Variants in CRISP1 observed in about 807,000 individuals in gnomAD.
CRISP1 encodes the protein cysteine rich secretory protein 1.
A neutral mutation model predicts 33.1 loss-of-function variants in CRISP1; 44 were observed. That is an observed-to-expected ratio of 1.33 (90% CI 1.05 to 1.71). The LOEUF is 1.71. Among genes scored for constraint, CRISP1 ranks in the 40% most tolerant of loss-of-function variants. The probability of loss-of-function intolerance (pLI) is 0.00; values close to 1 mark genes in which losing one functional copy is unlikely to be tolerated. For missense variants in CRISP1, 390 were observed against 301.2 expected (o/e 1.29, Z -2.18); for synonymous variants, 103 against 98.7 (o/e 1.04, Z -0.26).
rs781151430 is a variant in CRISP1 at position 49,838,449 on chromosome 6, C to A, written c.610G>T (p.Asp204Tyr). 2 of 1,612,036 alleles carry A rather than the reference C, an allele frequency of 1.2e-6. No homozygotes were observed. Among genetic ancestry groups the A allele is most frequent in the East Asian group, 4.5e-5 (2 of 44,738 alleles). ...CAAACAAACTTACTGCAAAGTTTGTCTTCACAGTTACTTGGGCAGGCTTCA... is the reference window on the plus strand; with the variant it reads ...CAAACAAACTTACTGCAAAGTTTGTATTCACAGTTACTTGGGCAGGCTTCA... ...PCEACPSNCE[D>Y]KLCTNPCIYY... The change falls in exon 7 of 8, where the codon GAC (aspartate) becomes TAC (tyrosine). Residue 204 changes from aspartate (D) to tyrosine (Y), a missense_variant. Transcript: ENST00000335847.
Position 49,862,622 on chromosome 6 carries a change from A to T in CRISP1, c.-3+3807T>A, listed in dbSNP as rs1335108729. Reference sequence around the variant, plus strand: ...TGAGAATGATTATGGGATAATCGGTATCACCTGGGATTATGGTTACTTTGC... The same window carrying T: ...TGAGAATGATTATGGGATAATCGGTTTCACCTGGGATTATGGTTACTTTGC... On this transcript the variant is annotated intron_variant, in intron 1 of 7. Transcript: ENST00000335847. Among the ~76,000 whole-genome samples the T allele has an allele frequency of 2.6e-5, 4 of 152,232 alleles. No individual in the cohort carries two copies. In the East Asian group the frequency reaches 7.7e-4, roughly 29 times the overall value.
At chr6:49,846,773 A>T in intron 4 of CRISP1, 105 bp from the exon 5 acceptor site, 3 of 1,096,378 alleles carry the variant, frequency 2.7e-6, no homozygotes, top group Non-Finnish European at 3.9e-6. Flanking sequence ...GATCATCTTG[A>T]CAACATCTTC....
intron 1 of CRISP1, among the ~76,000 whole-genome samples, chr6:49,865,341 G>C (rs987759863): frequency 1.3e-5 from 2 of 152,068 alleles, no homozygotes; most frequent in Admixed American, 1.3e-4. Context: ...AACAAAAATT[G>C]TTTTCCCTTG....
intron 1 of CRISP1, among the ~76,000 whole-genome samples, chr6:49,861,422 C>G (rs1380023620): frequency 6.6e-6 from 1 of 152,100 alleles, no homozygotes; most frequent in African/African-American, 2.4e-5. Context: ...GGATTTATAG[C>G]AGGGATGCAA....
chr6:49,836,771 T>C (rs1486612181), intron 7 of CRISP1, among the ~76,000 whole-genome samples: 1 of 152,206 alleles, frequency 6.6e-6, no homozygotes, highest in Admixed American at 6.5e-5. Flanking sequence ...ATAACTACAG[T>C]AGATTTATCA....
At chr6:49,857,732 T>G (rs1345060367) in intron 1 of CRISP1, among the ~76,000 whole-genome samples, 1 of 152,194 alleles carries the variant, frequency 6.6e-6, no homozygotes, top group East Asian at 1.9e-4. Flanking sequence ...TATCCTGGAA[T>G]ACCTAGGTGG....
intron 6 of CRISP1, among the ~76,000 whole-genome samples, 189 bp from the exon 7 acceptor site, chr6:49,838,714 T>C (rs563901404): frequency 3.9e-5 from 6 of 152,320 alleles, no homozygotes; most frequent in African/African-American, 1.4e-4. Context: ...GTAGAACCAA[T>C]AAATGTGAGT....
Position 49,838,565 on chromosome 6 carries a change from A to T in CRISP1, c.534-40T>A. ...AGTGATTTCATAAAACCCATCTTTGAAAAACTCACATAAAACTTTACTCAC... is the reference window on the plus strand; with the variant it reads ...AGTGATTTCATAAAACCCATCTTTGTAAAACTCACATAAAACTTTACTCAC... On this transcript the variant is annotated intron_variant, in intron 6 of 7. Transcript: ENST00000335847. The T allele has an allele frequency of 7.4e-6, 11 of 1,487,276 alleles. 1 individual carries two copies. In the South Asian group the frequency reaches 1.3e-4, roughly 17 times the overall value. The allele number at this position is 1,487,276 out of a possible 1,614,324, so 92.1% of individuals were successfully genotyped here.
At chr6:49,843,467 C>T (rs1309360150) in intron 5 of CRISP1, among the ~76,000 whole-genome samples, 1 of 152,132 alleles carries the variant, frequency 6.6e-6, no homozygotes, top group Non-Finnish European at 1.5e-5. Flanking sequence ...CCAATGGGCA[C>T]ATGTGAGAAC....
chr6:49,869,760 G>C (rs1050409927), upstream of CRISP1, among the ~76,000 whole-genome samples: 1 of 152,172 alleles, frequency 6.6e-6, no homozygotes, highest in Non-Finnish European at 1.5e-5. Flanking sequence ...AAATGTTGGT[G>C]TCCCCTCAAA....
At chr6:49,874,176 T>C (rs1474364669) in intron 1 of CRISP1, among the ~76,000 whole-genome samples, 2 of 152,092 alleles carry the variant, frequency 1.3e-5, no homozygotes, top group Non-Finnish European at 2.9e-5. Context: ...AGAAACCTAA[T>C]GTAGTTATTA....
intron 4 of CRISP1, among the ~76,000 whole-genome samples, chr6:49,847,689 A>G (rs1262292346): frequency 2.0e-5 from 2 of 98,990 alleles, no homozygotes; most frequent in African/African-American, 4.8e-5. Context: ...CACAGAAGCA[A>G]TAATGTTTTT....
At chr6:49,848,447 TAGAAAG>T (rs1771255250) in intron 3 of CRISP1, 148 bp from the exon 4 acceptor site, 1 of 480,958 alleles carries the variant, frequency 2.1e-6, no homozygotes, top group Admixed American at 3.9e-5. Context: ...AACGTTCTAG[TAGAAAG>T]AGAAAGACAA....
chr6:49,863,377 G>T (rs923086383), intron 1 of CRISP1, among the ~76,000 whole-genome samples: 1 of 152,132 alleles, frequency 6.6e-6, no homozygotes, highest in Non-Finnish European at 1.5e-5. Context: ...GAATTACATA[G>T]CTGCTTGAAC....
At chr6:49,876,711 A>G (rs1227542928) in intron 1 of CRISP1, among the ~76,000 whole-genome samples, 1 of 152,112 alleles carries the variant, frequency 6.6e-6, no homozygotes, top group Non-Finnish European at 1.5e-5. Context: ...GCCATAAAGA[A>G]GAACACGATT....
chr6:49,841,462 G>A (rs1215317827), intron 5 of CRISP1, among the ~76,000 whole-genome samples: 1 of 152,096 alleles, frequency 6.6e-6, no homozygotes, highest in East Asian at 1.9e-4. Flanking sequence ...CTGTACATGG[G>A]CCGTACATGA....
At chr6:49,875,327 A>G (rs970217698) in intron 1 of CRISP1, among the ~76,000 whole-genome samples, 6 of 151,810 alleles carry the variant, frequency 4.0e-5, no homozygotes, top group Non-Finnish European at 8.8e-5. Flanking sequence ...GCTTCCTAGG[A>G]ATATAGCTAA....
At chr6:49,875,057 CT>C (rs1382837810) in intron 1 of CRISP1, among the ~76,000 whole-genome samples, 1 of 151,844 alleles carries the variant, frequency 6.6e-6, no homozygotes, top group Non-Finnish European at 1.5e-5. Context: ...AAATTATGGC[CT>C]GGGCAATCAG....
At chr6:49,853,222 A>G (rs1771402827) in intron 2 of CRISP1, among the ~76,000 whole-genome samples, 1 of 152,152 alleles carries the variant, frequency 6.6e-6, no homozygotes, top group Non-Finnish European at 1.5e-5. Flanking sequence ...ATGATTCCAC[A>G]TACTATTTCC....
Sources: allele counts gnomAD v4.1 joint callset (sites outside exome capture counted in the v4.1 genomes callset), GRCh38; gene constraint gnomAD v4.1.1; transcripts MANE v1.5; gene names NCBI Gene and HGNC (gene_info 2026-07-23, HGNC 2026-07-21).